Variants in DCDC1 observed in about 807,000 individuals in gnomAD.
DCDC1 encodes the protein doublecortin domain containing 1, also known as doublecortin domain-containing protein 1.
A neutral mutation model predicts 178.3 loss-of-function variants in DCDC1; 200 were observed. That is an observed-to-expected ratio of 1.12 (90% CI 1.00 to 1.26). The LOEUF is 1.26. Ranked by LOEUF, DCDC1 falls within the 50% of genes most tolerant of loss-of-function variation. The probability of loss-of-function intolerance (pLI) is 0.00; values close to 1 mark genes in which losing one functional copy is unlikely to be tolerated. For synonymous variants in DCDC1, 690 were observed against 604.8 expected (o/e 1.14, Z -2.07); for missense variants, 1,983 against 1,749.2 (o/e 1.13, Z -2.38).
At chr11:31,213,370 T>C (rs1370092806) in intron 9 of DCDC1, among the ~76,000 whole-genome samples, 1 of 151,858 alleles carries the variant, frequency 6.6e-6, no homozygotes, top group Non-Finnish European at 1.5e-5. Context: ...TATCAATTTG[T>C]TTAACATCTA....
chr11:31,189,992 T>C (rs1969955083), intron 9 of DCDC1, among the ~76,000 whole-genome samples: 1 of 152,214 alleles, frequency 6.6e-6, no homozygotes, highest in Non-Finnish European at 1.5e-5. Flanking sequence ...GAGCTCTAGA[T>C]GTTGGTCTTA....
At chr11:30,881,515 C>T (rs186728419) in intron 36 of DCDC1, among the ~76,000 whole-genome samples, 8 of 152,266 alleles carry the variant, frequency 5.3e-5, no homozygotes, top group Middle Eastern at 6.8e-3. Context: ...CAGGACTCTC[C>T]GGTGAAGCTT....
intron 20 of DCDC1, among the ~76,000 whole-genome samples, chr11:30,996,576 T>C (rs1477973466): frequency 6.6e-6 from 1 of 152,110 alleles, no homozygotes; most frequent in East Asian, 1.9e-4. Context: ...AGGGAGTTCA[T>C]CCCTTTTGCC....
chr11:30,959,905 C>T (rs971633058), intron 20 of DCDC1, among the ~76,000 whole-genome samples: 20 of 152,118 alleles, frequency 1.3e-4, no homozygotes, highest in Non-Finnish European at 1.5e-4. Context: ...CTTTATTTCC[C>T]TCCTTCCCTT....
At chr11:31,213,187 T>C (rs1365917545) in intron 9 of DCDC1, among the ~76,000 whole-genome samples, 1 of 138,108 alleles carries the variant, frequency 7.2e-6, no homozygotes, top group Non-Finnish European at 1.5e-5. Context: ...GGCAGTGGTT[T>C]GCTGTCCTCC....
intron 3 of DCDC1, among the ~76,000 whole-genome samples, chr11:31,324,051 G>A (rs992076135): frequency 6.6e-6 from 1 of 151,918 alleles, no homozygotes; most frequent in Non-Finnish European, 1.5e-5. Flanking sequence ...TGTGTATAAG[G>A]GTTTTTCCAA....
chr11:31,280,546 C>T, intron 7 of DCDC1: 2 of 284,130 alleles, frequency 7.0e-6, no homozygotes, highest in South Asian at 4.3e-5. Context: ...GACTGCCCAA[C>T]AAAATATTCT....
intron 9 of DCDC1, among the ~76,000 whole-genome samples, chr11:31,178,331 T>C (rs1288081109): frequency 6.6e-6 from 1 of 152,206 alleles, no homozygotes; most frequent in Non-Finnish European, 1.5e-5. Context: ...GCAAATTGGA[T>C]ATTCACATGC....
intron 11 of DCDC1, among the ~76,000 whole-genome samples, chr11:31,125,242 G>A (rs148312531): frequency 1.6e-3 from 246 of 152,200 alleles, no homozygotes; most frequent in Middle Eastern, 3.4e-3. Flanking sequence ...TCTCATGCCC[G>A]TCAGAATGGT....
At chr11:31,150,641 A>G (rs967858906) in intron 9 of DCDC1, among the ~76,000 whole-genome samples, 2 of 152,164 alleles carry the variant, frequency 1.3e-5, no homozygotes, top group Non-Finnish European at 2.9e-5. Context: ...GTAATAAGAA[A>G]GCCTCTTTTT....
chr11:31,135,546 A>G (rs370529203), intron 10 of DCDC1, among the ~76,000 whole-genome samples: 53 of 152,312 alleles, frequency 3.5e-4, no homozygotes, highest in African/African-American at 1.2e-3. Flanking sequence ...TTACACATCC[A>G]GATTAATATA....
At chr11:31,269,267 T>C (rs919591460) in intron 7 of DCDC1, among the ~76,000 whole-genome samples, 2 of 152,234 alleles carry the variant, frequency 1.3e-5, no homozygotes, top group Admixed American at 6.5e-5. Context: ...AATTGAAAAG[T>C]ACATTATGGT....
intron 20 of DCDC1, among the ~76,000 whole-genome samples, chr11:30,957,963 C>T (rs1285320403): frequency 6.6e-6 from 1 of 152,124 alleles, no homozygotes; most frequent in Non-Finnish European, 1.5e-5. Context: ...GCCTGGTTCA[C>T]AAAGAGGTCA....
intron 38 of DCDC1, among the ~76,000 whole-genome samples, chr11:30,876,622 G>A (rs1490764647): frequency 6.6e-6 from 1 of 152,154 alleles, no homozygotes; most frequent in Non-Finnish European, 1.5e-5. Context: ...AGCGTTGTGT[G>A]ATATTACCAA....
intron 22 of DCDC1, among the ~76,000 whole-genome samples, chr11:30,931,221 T>G (rs1041220820): frequency 1.3e-5 from 2 of 152,090 alleles, no homozygotes; most frequent in African/African-American, 4.8e-5. Flanking sequence ...TATTGGCTAT[T>G]GGGAAAATTT....
intron 20 of DCDC1, among the ~76,000 whole-genome samples, chr11:31,044,589 T>G (rs1407645372): frequency 6.7e-6 from 1 of 148,276 alleles, no homozygotes; most frequent in Non-Finnish European, 1.5e-5. Flanking sequence ...GAACTGAGAG[T>G]GGCCCTGAGT....
intron 9 of DCDC1, among the ~76,000 whole-genome samples, chr11:31,232,374 T>C (rs144073771): frequency 6.6e-6 from 1 of 152,306 alleles, no homozygotes; most frequent in East Asian, 1.9e-4. Flanking sequence ...TTTAATATGC[T>C]GTGAACTTTA....
intron 10 of DCDC1, among the ~76,000 whole-genome samples, chr11:31,128,861 C>A (rs1191994659): frequency 6.6e-6 from 1 of 152,070 alleles, no homozygotes; most frequent in East Asian, 1.9e-4. Flanking sequence ...TTCTGCATAA[C>A]AAGTTTTAAT....
chr11:31,346,092 T>C (rs775603146), intron 1 of DCDC1, among the ~76,000 whole-genome samples: 1 of 152,186 alleles, frequency 6.6e-6, no homozygotes, highest in Non-Finnish European at 1.5e-5. Context: ...CCATAAACAC[T>C]GAATCTAACC....
Sources: allele counts gnomAD v4.1 joint callset (sites outside exome capture counted in the v4.1 genomes callset), GRCh38; gene constraint gnomAD v4.1.1; transcripts MANE v1.5; gene names NCBI Gene and HGNC (gene_info 2026-07-23, HGNC 2026-07-21).